Variants in RPL5 observed in about 807,000 individuals in gnomAD.
The protein encoded by RPL5 is ribosomal protein L5.
A neutral mutation model predicts 38.4 loss-of-function variants in RPL5; 1 was observed. That is an observed-to-expected ratio of 0.03 (90% CI 0.01 to 0.12). The LOEUF is 0.12. RPL5 is among the 10% of genes least tolerant of loss of function. The probability of loss-of-function intolerance (pLI) is 1.00; values close to 1 mark genes in which losing one functional copy is unlikely to be tolerated. For synonymous variants in RPL5, 109 were observed against 121.2 expected (o/e 0.90, Z 0.66); for missense variants, 243 against 374.1 (o/e 0.65, Z 2.89).
In RPL5 at chr1:92,833,372, A is replaced by T. The variant is rs771831213; in HGVS notation, c.4-17A>T. The T allele has an allele frequency of 3.6e-5, 58 of 1,592,976 alleles. No homozygotes were observed. Among genetic ancestry groups the T allele is most frequent in the Non-Finnish European group, 4.2e-5 (49 of 1,161,294 alleles). ...GCTAAGACATCAAAGTTTTAATAAC[A>T]TTCTTTTTTCTTTAAGGGGTTTGTT... On this transcript the variant is annotated splice_polypyrimidine_tract_variant and intron_variant, in intron 1 of 7. Transcript: ENST00000370321.
intron 5 of RPL5, 195 bp downstream of exon 5, chr1:92,836,587 A>G (rs1034182977): frequency 2.0e-5 from 12 of 597,378 alleles, no homozygotes; most frequent in Non-Finnish European, 3.0e-5. Flanking sequence ...TCTGAGGCCC[A>G]GAGTTATTTG....
chr1:92,833,511 G>C (rs1234484957), intron 2 of RPL5, 34 bp from the exon 3 acceptor site: 3 of 1,610,246 alleles, frequency 1.9e-6, no homozygotes, highest in Admixed American at 3.3e-5. Context: ...AGATGCAGTG[G>C]AGTATCCTTT....
intron 4 of RPL5, chr1:92,835,376 G>C (rs1249184320): frequency 1.8e-5 from 4 of 225,382 alleles, no homozygotes; most frequent in Non-Finnish European, 3.6e-5. Flanking sequence ...ATCTTGGCTA[G>C]GCGCGGTGGC....
rs535694254 is a variant in RPL5 at position 92,832,071 on chromosome 1, G to A, written c.-44G>A. 3.1e-6 allele frequency: 5 copies of A among 1,613,542 alleles called. No individual in the cohort carries two copies. Among genetic ancestry groups the A allele is most frequent in the African/African-American group, 1.3e-5 (1 of 75,066 alleles). The stretch of plus-strand genomic sequence containing the variant: ...CCCACCCCCTAGCGCCGCTGGGCCT[G>A]CAGGTCTCTGTCGAGCAGCGGACGC... On this transcript the variant is annotated 5_prime_UTR_variant, in exon 1 of 8. Coordinates refer to ENST00000370321, the MANE Select transcript of RPL5 (RefSeq NM_000969.5).
chr1:92,836,575 A>G lies in RPL5; in HGVS notation c.527+183A>G, dbSNP rs147024794. 6.9e-4 allele frequency: 429 copies of G among 621,994 alleles called. No homozygotes were observed. The African/African-American group carries it at 7.4e-3, about 11-fold the overall frequency. The allele number at this position is 621,994 out of a possible 1,614,324, so 38.5% of individuals were successfully genotyped here. ...ATTATAGCCCATTTTATAAATTAAG[A>G]GTCTGAGGCCCAGAGTTATTTGTCC... On this transcript the variant is annotated intron_variant, in intron 5 of 7. Coordinates refer to ENST00000370321, the MANE Select transcript of RPL5 (RefSeq NM_000969.5).
At chr1:92,840,418 G>T (rs1687308836) in intron 6 of RPL5, 133 bp from the exon 7 acceptor site, 1 of 722,680 alleles carries the variant, frequency 1.4e-6, no homozygotes, top group African/African-American at 1.8e-5. Context: ...AGAAGTTAAA[G>T]TGTTTACCAA....
intron 5 of RPL5, 33 bp downstream of exon 5, chr1:92,836,425 A>G: frequency 1.9e-6 from 3 of 1,588,174 alleles, no homozygotes; most frequent in South Asian, 1.1e-5. Context: ...TGGTGCCTGG[A>G]CCGTGGTACT....
intron 1 of RPL5, chr1:92,833,088 A>AT: frequency 1.4e-6 from 1 of 709,000 alleles, no homozygotes; most frequent in Non-Finnish European, 2.6e-6. Flanking sequence ...TGAAAGCAAT[A>AT]TAACAATAAT....
rs780962420 is a variant in RPL5 at position 92,833,538 on chromosome 1, C to T, written c.74-7C>T. On this transcript the variant is annotated splice_polypyrimidine_tract_variant and splice_region_variant and intron_variant, in intron 2 of 7. Coordinates refer to ENST00000370321, the MANE Select transcript of RPL5 (RefSeq NM_000969.5). ...GTATCCTTTCTACAATTATTTTTTT[C>T]TTTCAGAGGGTAAAACTGATTATTA... 12 of 1,613,138 alleles carry T rather than the reference C, an allele frequency of 7.4e-6. No homozygotes were observed. Among genetic ancestry groups the T allele is most frequent in the East Asian group, 2.2e-5 (1 of 44,860 alleles).
Position 92,832,096 on chromosome 1 carries a change from C to G in RPL5, c.-19C>G, listed in dbSNP as rs774327587. 5.4e-5 allele frequency: 87 copies of G among 1,613,962 alleles called. No homozygotes were observed. Among genetic ancestry groups the G allele is most frequent in the Non-Finnish European group, 7.1e-5 (84 of 1,180,004 alleles). On this transcript the variant is annotated 5_prime_UTR_variant, in exon 1 of 8. Transcript: ENST00000370321. ...GCAGGTCTCTGTCGAGCAGCGGACG[C>G]CGGTCTCTGTTCCGCAGGATGGTGA...
intron 5 of RPL5, chr1:92,836,765 C>T (rs1360255656): frequency 4.5e-6 from 1 of 220,172 alleles, no homozygotes; most frequent in Non-Finnish European, 9.2e-6. Flanking sequence ...AAAGGTGGAT[C>T]CTAGAATTTT....
chr1:92,839,356 G>A (rs1557443157), intron 6 of RPL5, among the ~76,000 whole-genome samples: 1 of 152,076 alleles, frequency 6.6e-6, no homozygotes, highest in African/African-American at 2.4e-5. Flanking sequence ...GAGACTTCAT[G>A]TCAAAAAACA....
intron 6 of RPL5, 47 bp downstream of exon 6, chr1:92,837,680 TAG>T (rs750738282): frequency 9.5e-5 from 145 of 1,521,462 alleles, no homozygotes; most frequent in Middle Eastern, 6.3e-4. Flanking sequence ...TTTATGGAAA[TAG>T]GTTTATTACT....
At chr1:92,832,384 T>C in intron 1 of RPL5, 1 of 604,502 alleles carries the variant, frequency 1.7e-6, no homozygotes, top group East Asian at 2.9e-5. Context: ...ACAGCCTGAG[T>C]GCGGATACTG....
At chr1:92,834,082 C>T (rs1226837155) in intron 3 of RPL5, 4 of 256,270 alleles carry the variant, frequency 1.6e-5, no homozygotes, top group South Asian at 1.4e-4. Context: ...GGTGACAGAG[C>T]AAGACACTGA....
In RPL5 at chr1:92,834,761, G is replaced by C. The variant is rs762418050; in HGVS notation, c.190-18G>C. On this transcript the variant is annotated intron_variant, in intron 3 of 7. Transcript: ENST00000370321. ...GTGAAAGCAACAGATTACTAACCTA[G>C]TTTCTCTCTTACTATAGATTGCTTA... is the stretch of plus-strand genomic sequence containing the variant. The C allele has an allele frequency of 4.3e-6, 7 of 1,612,222 alleles. No individual in the cohort carries two copies. In the East Asian group the frequency reaches 1.1e-4, roughly 26 times the overall value.
At chr1:92,837,688 T>C in intron 6 of RPL5, 55 bp downstream of exon 6, 1 of 1,486,710 alleles carries the variant, frequency 6.7e-7, no homozygotes, top group Non-Finnish European at 9.3e-7. Context: ...AATAGGTTTA[T>C]TACTTGTTTT....
chr1:92,833,884 T>C (rs969010102), intron 3 of RPL5: 9 of 539,800 alleles, frequency 1.7e-5, no homozygotes, highest in East Asian at 9.9e-5. Flanking sequence ...TTCGGGAAGA[T>C]TGCTTGAGCC....
chr1:92,832,302 G>A (rs942929982), intron 1 of RPL5, 185 bp downstream of exon 1: 5 of 894,116 alleles, frequency 5.6e-6, no homozygotes, highest in East Asian at 2.6e-5. Context: ...GCGCGAACTT[G>A]GGGGGAGGGG....
Sources: allele counts gnomAD v4.1 joint callset (sites outside exome capture counted in the v4.1 genomes callset), GRCh38; gene constraint gnomAD v4.1.1; transcripts MANE v1.5; gene names NCBI Gene and HGNC (gene_info 2026-07-23, HGNC 2026-07-21).